WHRN: variants seen among roughly 807,000 people sequenced by gnomAD.
WHRN encodes the protein whirlin, also known as CASK-interacting protein CIP98.
WHRN carries 41 observed loss-of-function variants against 68.3 expected under a neutral mutation model. That is an observed-to-expected ratio of 0.60 (90% CI 0.47 to 0.78). WHRN has a LOEUF of 0.78. WHRN is among the 30% of genes least tolerant of loss of function. The pLI is 0.00. For missense variants in WHRN, 1,243 were observed against 1,244.7 expected (o/e 1.00, Z 0.02); for synonymous variants, 560 against 561.3 (o/e 1.00, Z 0.03).
At chr9:114,472,583 C>A (rs1340951176) in intron 2 of WHRN, among the ~76,000 whole-genome samples, 2 of 152,164 alleles carry the variant, frequency 1.3e-5, no homozygotes, top group Admixed American at 1.3e-4. Flanking sequence ...TTACAATAGA[C>A]TGTATATTAT....
chr9:114,436,245 G>C (rs979817306), intron 3 of WHRN, among the ~76,000 whole-genome samples: 7 of 152,208 alleles, frequency 4.6e-5, no homozygotes, highest in African/African-American at 1.7e-4. Context: ...GTAGAGCACA[G>C]AGGATTTTTA....
At chr9:114,474,567 T>C (rs1841496062) in intron 2 of WHRN, among the ~76,000 whole-genome samples, 1 of 152,186 alleles carries the variant, frequency 6.6e-6, no homozygotes, top group Non-Finnish European at 1.5e-5. Flanking sequence ...TGTCATGCTG[T>C]ACCCTCTGTC....
chr9:114,412,762 G>A (rs551584305), intron 7 of WHRN, among the ~76,000 whole-genome samples: 10 of 152,332 alleles, frequency 6.6e-5, no homozygotes, highest in African/African-American at 2.4e-4. Context: ...GAACTGTAAG[G>A]GGATGAAATG....
intron 9 of WHRN, among the ~76,000 whole-genome samples, chr9:114,404,323 T>C (rs1214519625): frequency 6.6e-6 from 1 of 152,242 alleles, no homozygotes; most frequent in African/African-American, 2.4e-5. Context: ...GACATCTGCC[T>C]GGATCTCCCA....
intron 7 of WHRN, among the ~76,000 whole-genome samples, chr9:114,409,787 C>A (rs561167623): frequency 2.0e-4 from 30 of 151,916 alleles, no homozygotes; most frequent in Admixed American, 1.8e-3. Context: ...ACAAGGTGTA[C>A]CCTCACCACC....
chr9:114,454,345 C>CAA (rs35923774), intron 3 of WHRN, among the ~76,000 whole-genome samples: 114,141 of 151,852 alleles, frequency 0.75, 43,073 homozygotes, highest in East Asian at 0.98. Context: ...TAGAAAATTT[C>CAA]AGACTCTGCA....
chr9:114,472,607 C>T (rs542603771), intron 2 of WHRN, among the ~76,000 whole-genome samples: 9 of 152,224 alleles, frequency 5.9e-5, no homozygotes, highest in East Asian at 3.9e-4. Context: ...TTTTCATGCC[C>T]GTTACGGTCC....
At chr9:114,500,337 G>C (rs1843816748) in intron 1 of WHRN, among the ~76,000 whole-genome samples, 1 of 152,204 alleles carries the variant, frequency 6.6e-6, no homozygotes. Flanking sequence ...CAGACATAAA[G>C]TTGGAAGAGG....
At position 114,426,249 on chromosome 9, in the gene WHRN, G is replaced by A. The variant is rs1202342697; in HGVS notation, c.1128C>T (p.Ala376=). ...CCATGGTCTCCCTGATCCGGGAACT[G>A]GCGATCCACTTGGTCTCGTCCACAG... The part of the protein sequence containing the change: ...RTTVDETKWI[A]SSRIRETMAN... The change falls in exon 4 of 12, where the codon GCC becomes GCT. Residue 376 remains alanine, a synonymous_variant. Transcript: ENST00000362057. 12 of 1,612,678 alleles carry A rather than the reference G, an allele frequency of 7.4e-6. No individual in the cohort carries two copies. The highest frequency in any genetic ancestry group is 9.3e-6 in the Non-Finnish European group (11 of 1,180,036).
At chr9:114,424,717 T>C (rs572697594) in intron 5 of WHRN, among the ~76,000 whole-genome samples, 171 bp from the exon 6 acceptor site, 2 of 152,320 alleles carry the variant, frequency 1.3e-5, no homozygotes, top group African/African-American at 4.8e-5. Flanking sequence ...TTAATTAGAA[T>C]TTGTTTTGTC....
chr9:114,486,903 TGTAGA>T (rs1168083658), intron 1 of WHRN, among the ~76,000 whole-genome samples: 1,368 of 76,548 alleles, frequency 0.018, 104 homozygotes, highest in Admixed American at 0.13. Flanking sequence ...TGTGTGTGTG[TGTAGA>T]GTGTGTGTGT....
At chr9:114,452,163 C>T (rs893172083) in intron 3 of WHRN, among the ~76,000 whole-genome samples, 2 of 152,212 alleles carry the variant, frequency 1.3e-5, no homozygotes, top group Admixed American at 1.3e-4. Context: ...TTACTGTTTC[C>T]TGTTATCACC....
chr9:114,420,470 C>A (rs1836183388), intron 7 of WHRN, among the ~76,000 whole-genome samples: 1 of 152,198 alleles, frequency 6.6e-6, no homozygotes, highest in Non-Finnish European at 1.5e-5. Flanking sequence ...TCTGAGGTCA[C>A]ACCTGCTAAT....
intron 9 of WHRN, among the ~76,000 whole-genome samples, chr9:114,405,699 T>C (rs1834976709): frequency 6.6e-6 from 1 of 152,244 alleles, no homozygotes; most frequent in African/African-American, 2.4e-5. Flanking sequence ...TCTTGGTCTG[T>C]GCAGGCGCTC....
At chr9:114,497,663 C>T (rs981937485) in intron 1 of WHRN, among the ~76,000 whole-genome samples, 1 of 152,142 alleles carries the variant, frequency 6.6e-6, no homozygotes, top group African/African-American at 2.4e-5. Flanking sequence ...TGAAATAACC[C>T]ACTTCTGGGG....
At chr9:114,432,451 C>T (rs1442968212) in intron 3 of WHRN, among the ~76,000 whole-genome samples, 1 of 152,198 alleles carries the variant, frequency 6.6e-6, no homozygotes, top group Admixed American at 6.5e-5. Flanking sequence ...CCTTCCTTCC[C>T]AAAATGGGAA....
At position 114,504,330 on chromosome 9, in the gene WHRN, C is replaced by A. The variant is rs767653414; in HGVS notation, c.472G>T (p.Gly158Trp). Residue 158 changes from glycine (G) to tryptophan (W), a missense_variant, in exon 1 of 12, where the codon GGG becomes TGG. By Grantham distance (184) the Gly-to-Trp change is radical (BLOSUM62 -2). Coordinates refer to ENST00000362057, the MANE Select transcript of WHRN (RefSeq NM_015404.4). The stretch of plus-strand genomic sequence containing the variant: ...ATGCCCACGCCGTGCTCCGAGCCCC[C>A]ACGGATGCTGAAGCCCAAGCCCTCG... ...AHEGLGFSIR[G>W]GSEHGVGIYV... 1 of 1,610,908 alleles carries A rather than the reference C, an allele frequency of 6.2e-7. No homozygotes were observed. The highest frequency in any genetic ancestry group is 8.5e-7 in the Non-Finnish European group (1 of 1,180,026).
chr9:114,459,226 G>A (rs1389606485), intron 3 of WHRN, among the ~76,000 whole-genome samples: 1 of 152,154 alleles, frequency 6.6e-6, no homozygotes, highest in Non-Finnish European at 1.5e-5. Flanking sequence ...GGGAGGCCAA[G>A]GCGGGCGGAT....
At chr9:114,420,644 G>A (rs998903992) in intron 7 of WHRN, among the ~76,000 whole-genome samples, 3 of 152,118 alleles carry the variant, frequency 2.0e-5, no homozygotes, top group Non-Finnish European at 4.4e-5. Flanking sequence ...GGTCAGGGGG[G>A]CGGTGGCAGT....
Sources: allele counts gnomAD v4.1 joint callset (sites outside exome capture counted in the v4.1 genomes callset), GRCh38; gene constraint gnomAD v4.1.1; transcripts MANE v1.5; gene names NCBI Gene and HGNC (gene_info 2026-07-23, HGNC 2026-07-21).